The following SEMA4D variants were observed in gnomAD, a reference collection of about 807,000 sequenced individuals.
SEMA4D encodes the protein semaphorin 4D.
Under a neutral mutation model 74.8 loss-of-function variants are expected in SEMA4D, and 22 were observed. That is an observed-to-expected ratio of 0.29 (90% confidence interval 0.21 to 0.42). The LOEUF (loss-of-function observed/expected upper bound fraction) is 0.42, where lower values mean the gene tolerates loss of function less well. Among genes scored for constraint, SEMA4D ranks in the 10% least tolerant of loss-of-function variants. The pLI is 1.00. For synonymous variants in SEMA4D, 445 were observed against 463.7 expected (o/e 0.96, Z 0.52); for missense variants, 937 against 1,118.4 (o/e 0.84, Z 2.31).
intron 5 of SEMA4D, among the ~76,000 whole-genome samples, 161 bp downstream of exon 5, chr9:89,399,115 G>C (rs10118788): frequency 0.012 from 1,855 of 152,288 alleles, 37 homozygotes; most frequent in African/African-American, 0.043. Context: ...AGGAATAGAG[G>C]GATGAGCTCC....
At chr9:89,496,970 G>C (rs1188030265) in intron 1 of SEMA4D, among the ~76,000 whole-genome samples, 1 of 152,200 alleles carries the variant, frequency 6.6e-6, no homozygotes, top group African/African-American at 2.4e-5. Context: ...CCTGGGATGT[G>C]CTCAACACAG....
At chr9:89,363,430 C>G in exon 18 of SEMA4D, 1 of 1,612,734 alleles carries the variant, frequency 6.2e-7, no homozygotes, top group Non-Finnish European at 8.5e-7. Flanking sequence ...GGCCACTTAC[C>G]CACGCCTTCC....
At chr9:89,369,865 A>AGCGTGT (rs112473972) in intron 16 of SEMA4D, among the ~76,000 whole-genome samples, 1 of 138,770 alleles carries the variant, frequency 7.2e-6, no homozygotes, top group Non-Finnish European at 1.6e-5. Flanking sequence ...CTAAGTCAAC[A>AGCGTGT]ATGTGTGTGT....
intron 1 of SEMA4D, among the ~76,000 whole-genome samples, chr9:89,460,463 TTTG>T (rs1856947909): frequency 6.6e-6 from 1 of 152,252 alleles, no homozygotes; most frequent in Non-Finnish European, 1.5e-5. Context: ...TAAGTCTGGA[TTTG>T]TTTTATATTT....
At chr9:89,468,561 C>G (rs1859341820) in intron 1 of SEMA4D, among the ~76,000 whole-genome samples, 1 of 152,200 alleles carries the variant, frequency 6.6e-6, no homozygotes, top group Non-Finnish European at 1.5e-5. Flanking sequence ...CCTTATTTTT[C>G]TTGGGTTTTT....
At chr9:89,493,263 G>A (rs1421756847) in intron 1 of SEMA4D, among the ~76,000 whole-genome samples, 1 of 152,248 alleles carries the variant, frequency 6.6e-6, no homozygotes, top group African/African-American at 2.4e-5. Context: ...CAGGATAAGT[G>A]TGATCCAGAT....
intron 1 of SEMA4D, among the ~76,000 whole-genome samples, chr9:89,486,652 G>A (rs1406365743): frequency 6.6e-6 from 1 of 152,192 alleles, no homozygotes; most frequent in African/African-American, 2.4e-5. Flanking sequence ...ACACCTGTAA[G>A]CTCAGCACTT....
intron 9 of SEMA4D, 32 bp from the exon 10 acceptor site, chr9:89,389,079 G>A (rs764377439): frequency 1.2e-5 from 19 of 1,611,440 alleles, no homozygotes; most frequent in African/African-American, 4.0e-5. Context: ...GTGGTGGGCC[G>A]AGAGTGGATC....
At chr9:89,415,816 AC>A (rs1291883720) in intron 2 of SEMA4D, among the ~76,000 whole-genome samples, 1 of 152,194 alleles carries the variant, frequency 6.6e-6, no homozygotes, top group Non-Finnish European at 1.5e-5. Flanking sequence ...AGAGCTCAGC[AC>A]CGGACAGAAC....
At chr9:89,386,329 C>A (rs763758205) in intron 13 of SEMA4D, 38 bp downstream of exon 13, 1 of 1,479,998 alleles carries the variant, frequency 6.8e-7, no homozygotes, top group African/African-American at 1.4e-5. Context: ...AGCCACCGAG[C>A]GGAGAAGCCC....
rs372686600 is a variant in SEMA4D at position 89,394,603 on chromosome 9, G to A, written c.415-948C>T. ...GCTGAAGACAGGCAGGGCCCACGGC[G>A]GGGCAAGGGCACCCAGCACCTCTGC... On this transcript the variant is annotated intron_variant, in intron 6 of 15. Coordinates refer to ENST00000422704, the MANE Select transcript of SEMA4D (RefSeq NM_001371194.2). Among the ~76,000 whole-genome samples the A allele has an allele frequency of 1.2e-4, 18 of 152,334 alleles. 1 individual carries two copies. The South Asian group carries it at 3.1e-3, about 26-fold the overall frequency.
Position 89,393,623 on chromosome 9 carries a change from A to C in SEMA4D, c.447T>G (p.Asn149Lys). The C allele has an allele frequency of 6.2e-7, 1 of 1,614,150 alleles. No individual in the cohort carries two copies. Among genetic ancestry groups the C allele is most frequent in the Non-Finnish European group, 8.5e-7 (1 of 1,179,970 alleles). ...AGGGACATCTTCCTTTGCCATCTTC[A>C]TTTTTCCCCAGAAACTTAAAGGATG... Reference protein sequence around the residue: ...NLTSFKFLGKNEDGKGRCPFD... With the variant: ...NLTSFKFLGKKEDGKGRCPFD... Residue 149 changes from asparagine to lysine, a missense_variant, in exon 7 of 16, where the codon AAT becomes AAG. Physicochemically the swap from Asn to Lys is moderately conservative, Grantham distance 94 (BLOSUM62 0). Coordinates refer to ENST00000422704, the MANE Select transcript of SEMA4D (RefSeq NM_001371194.2).
intron 1 of SEMA4D, among the ~76,000 whole-genome samples, chr9:89,491,889 A>T (rs1043492140): frequency 3.9e-5 from 6 of 152,066 alleles, no homozygotes; most frequent in Admixed American, 2.6e-4. Flanking sequence ...GAGGAGGCAC[A>T]GCACACACCG....
At chr9:89,467,230 G>A (rs73488278) in intron 1 of SEMA4D, among the ~76,000 whole-genome samples, 1,733 of 152,072 alleles carry the variant, frequency 0.011, 38 homozygotes, top group African/African-American at 0.038. Context: ...TTCTCCTCAC[G>A]TCCTCACATC....
intron 11 of SEMA4D, 101 bp downstream of exon 11, chr9:89,388,535 G>T: frequency 7.0e-7 from 1 of 1,425,054 alleles, no homozygotes; most frequent in Non-Finnish European, 9.3e-7. Context: ...CCTTGGCGTG[G>T]CCAGGTACCC....
intron 2 of SEMA4D, among the ~76,000 whole-genome samples, chr9:89,429,864 G>A (rs1014181164): frequency 6.6e-6 from 1 of 152,222 alleles, no homozygotes; most frequent in Non-Finnish European, 1.5e-5. Flanking sequence ...GGTGGATGGA[G>A]TGGCCAGTTA....
intron 13 of SEMA4D, among the ~76,000 whole-genome samples, chr9:89,383,287 G>C (rs1347091657): frequency 1.3e-5 from 2 of 152,196 alleles, no homozygotes; most frequent in African/African-American, 4.8e-5. Flanking sequence ...CCCCCAGTGT[G>C]GACTACATGC....
At chr9:89,418,120 T>G in intron 2 of SEMA4D, 1 of 984,860 alleles carries the variant, frequency 1.0e-6, no homozygotes. Context: ...AAATCTTTGC[T>G]GTGAAAATAA....
chr9:89,391,368 G>T lies in SEMA4D; in HGVS notation c.670C>A (p.Pro224Thr), dbSNP rs745372770. ...TAGACCCTGTCATCCTCGCCGTCGG[G>T]GCTGTCTGGGCTTTTTCGGATCACG... ...ADVIRKSPDS[P>T]DGEDDRVYFF... The change falls in exon 9 of 16, where the codon CCC becomes ACC. Residue 224 changes from proline to threonine, a missense_variant. Transcript: ENST00000422704. The T allele has an allele frequency of 6.2e-7, 1 of 1,614,248 alleles. No individual in the cohort carries two copies. Among genetic ancestry groups the T allele is most frequent in the Admixed American group, 1.7e-5 (1 of 60,022 alleles).
Sources: gnomAD v4.1 joint callset for allele counts (sites outside exome capture counted in the v4.1 genomes callset) on GRCh38, gnomAD v4.1.1 for gene constraint, MANE v1.5 for transcripts, NCBI Gene and HGNC (gene_info 2026-07-23, HGNC 2026-07-21) for gene names.